Variants in DIP2B observed in about 807,000 individuals in gnomAD.
DIP2B encodes DIP2 acetate--CoA ligase B (putative).
A neutral mutation model predicts 198.0 loss-of-function variants in DIP2B; 76 were observed. The observed-to-expected ratio is 0.38, with a 90% CI of 0.32 to 0.46. DIP2B has a LOEUF of 0.46. Among genes scored for constraint, DIP2B ranks in the 20% least tolerant of loss-of-function variants. The pLI is 0.99. For synonymous variants in DIP2B, 701 were observed against 739.1 expected (o/e 0.95, Z 0.84); for missense variants, 1,559 against 1,978.4 (o/e 0.79, Z 4.02).
chr12:50,624,388 A>T (rs986096611), intron 1 of DIP2B, among the ~76,000 whole-genome samples: 1 of 152,142 alleles, frequency 6.6e-6, no homozygotes, highest in Non-Finnish European at 1.5e-5. Context: ...GCTGGAGTGC[A>T]GTGGCGCGAT....
chr12:50,602,290 A>G (rs1028658620), intron 1 of DIP2B, among the ~76,000 whole-genome samples: 1 of 152,036 alleles, frequency 6.6e-6, no homozygotes. Flanking sequence ...TTTTTTTGAG[A>G]CAGTGTCTGG....
intron 8 of DIP2B, 80 bp downstream of exon 8, chr12:50,678,956 A>C: frequency 6.8e-7 from 1 of 1,480,584 alleles, no homozygotes; most frequent in Non-Finnish European, 9.3e-7. Flanking sequence ...CTAGATACTT[A>C]GCAGTTGCTG....
chr12:50,519,808 GT>G (rs5798142), intron 1 of DIP2B, among the ~76,000 whole-genome samples: 49,143 of 148,414 alleles, frequency 0.33, 8,271 homozygotes, highest in South Asian at 0.39. Flanking sequence ...TTTCTTGGAG[GT>G]TTTTTTTTTT....
chr12:50,655,134 C>A, intron 3 of DIP2B: 1 of 381,246 alleles, frequency 2.6e-6, no homozygotes, highest in Non-Finnish European at 5.3e-6. Context: ...CATGCCCAGA[C>A]ATAGGATAAT....
chr12:50,526,625 C>T (rs1308342977), intron 1 of DIP2B, among the ~76,000 whole-genome samples: 5 of 97,594 alleles, frequency 5.1e-5, no homozygotes, highest in African/African-American at 8.4e-5. Flanking sequence ...TTTTCCTCTG[C>T]CTTTTTTTTT....
intron 5 of DIP2B, 112 bp from the exon 6 acceptor site, chr12:50,674,362 C>G: frequency 9.2e-7 from 1 of 1,083,220 alleles, no homozygotes; most frequent in Non-Finnish European, 1.3e-6. Flanking sequence ...TTACAAGAGC[C>G]AGTGCCCCCA....
chr12:50,701,706 G>T (rs937310868), intron 19 of DIP2B, among the ~76,000 whole-genome samples: 5 of 152,118 alleles, frequency 3.3e-5, no homozygotes, highest in African/African-American at 1.2e-4. Context: ...TGACTAGTCA[G>T]AAAATAAAAA....
At chr12:50,533,029 G>A (rs1958232495) in intron 1 of DIP2B, among the ~76,000 whole-genome samples, 1 of 152,228 alleles carries the variant, frequency 6.6e-6, no homozygotes, top group Admixed American at 6.5e-5. Context: ...AATGGTTTGT[G>A]TGCTTAACAG....
intron 3 of DIP2B, among the ~76,000 whole-genome samples, chr12:50,648,609 C>G (rs531370254): frequency 2.6e-5 from 4 of 151,550 alleles, no homozygotes; most frequent in Non-Finnish European, 5.9e-5. Flanking sequence ...GTGATCCGCC[C>G]GTCTCGGCCT....
chr12:50,745,018 A>G lies in DIP2B; in HGVS notation c.*179A>G. On this transcript the variant is annotated 3_prime_UTR_variant, in exon 38 of 38. Coordinates refer to ENST00000301180, the MANE Select transcript of DIP2B (RefSeq NM_173602.3). ...AGGAAAGGGGAATTCTGTGATGGCAAATGAAAAAAATGTTAACATTTGGTA... is the reference window on the plus strand; with the variant it reads ...AGGAAAGGGGAATTCTGTGATGGCAGATGAAAAAAATGTTAACATTTGGTA... 2.6e-6 allele frequency: 2 copies of G among 758,860 alleles called. No individual in the cohort carries two copies. The highest frequency in any genetic ancestry group is 3.9e-5 in the South Asian group (2 of 50,772). 47.0% of individuals were successfully genotyped at this position (758,860 alleles called of 1,614,324 possible). A position where few individuals can be genotyped will look rare whatever the true frequency, so the allele number is the denominator to read the frequency against.
rs993204840 is a variant in DIP2B, at chr12:50,739,489, C to T, written c.4257C>T (p.Asn1419=). 1.9e-6 allele frequency: 3 copies of T among 1,614,200 alleles called. No homozygotes were observed. Among genetic ancestry groups the T allele is most frequent in the Non-Finnish European group, 2.5e-6 (3 of 1,180,026 alleles). Reference sequence around the variant, plus strand: ...AGACTCTTCAAGCTGATCATTTCAACACTCGCCTCAGCTTTGGAGATGCAG... The same window carrying T: ...AGACTCTTCAAGCTGATCATTTCAATACTCGCCTCAGCTTTGGAGATGCAG... The part of the protein sequence containing the change: ...DSETLQADHF[N]TRLSFGDAAQ... The change falls in exon 36 of 38, where the codon AAC becomes AAT. Residue 1419 remains asparagine, a synonymous_variant. Coordinates refer to ENST00000301180, the MANE Select transcript of DIP2B (RefSeq NM_173602.3).
intron 1 of DIP2B, among the ~76,000 whole-genome samples, chr12:50,539,556 C>T (rs953473601): frequency 6.8e-6 from 1 of 146,560 alleles, no homozygotes; most frequent in Non-Finnish European, 1.5e-5. Context: ...GCGGAGGTTG[C>T]AGTGAGCCAA....
At chr12:50,590,962 C>G (rs1448649971) in intron 1 of DIP2B, among the ~76,000 whole-genome samples, 1 of 152,140 alleles carries the variant, frequency 6.6e-6, no homozygotes, top group Non-Finnish European at 1.5e-5. Context: ...GTGAATGGAC[C>G]ATGAGGGCTT....
intron 26 of DIP2B, among the ~76,000 whole-genome samples, chr12:50,722,412 C>T (rs2139588009): frequency 6.6e-6 from 1 of 152,156 alleles, no homozygotes; most frequent in Non-Finnish European, 1.5e-5. Flanking sequence ...CGCCACCACG[C>T]CCAGCTAATT....
chr12:50,735,788 A>G (rs562640491), intron 34 of DIP2B, among the ~76,000 whole-genome samples: 9 of 152,318 alleles, frequency 5.9e-5, no homozygotes, highest in East Asian at 3.9e-4. Context: ...AAACGTCACA[A>G]GGAGAAAGCT....
intron 1 of DIP2B, among the ~76,000 whole-genome samples, chr12:50,526,423 G>A (rs966266829): frequency 2.0e-5 from 3 of 151,964 alleles, no homozygotes; most frequent in Non-Finnish European, 2.9e-5. Context: ...ACAACTTTCC[G>A]TTTCTTCAGT....
chr12:50,571,407 G>A (rs1376972475), intron 1 of DIP2B, among the ~76,000 whole-genome samples: 1 of 152,036 alleles, frequency 6.6e-6, no homozygotes, highest in Non-Finnish European at 1.5e-5. Context: ...TCTGACCTCA[G>A]GTGATCCACC....
intron 23 of DIP2B, among the ~76,000 whole-genome samples, chr12:50,715,791 C>A (rs1034410852): frequency 1.3e-5 from 2 of 152,192 alleles, no homozygotes; most frequent in Admixed American, 6.5e-5. Context: ...AGAATATAGT[C>A]TTTATTCCAG....
At chr12:50,600,907 CA>C (rs1958929431) in intron 1 of DIP2B, among the ~76,000 whole-genome samples, 1 of 146,708 alleles carries the variant, frequency 6.8e-6, no homozygotes, top group Non-Finnish European at 1.5e-5. Context: ...CCACCACCAC[CA>C]CCACCACCAC....
Sources: allele counts gnomAD v4.1 joint callset (sites outside exome capture counted in the v4.1 genomes callset), GRCh38; gene constraint gnomAD v4.1.1; transcripts MANE v1.5; gene names NCBI Gene and HGNC (gene_info 2026-07-23, HGNC 2026-07-21).